RRP15: variants seen among roughly 807,000 people sequenced by gnomAD.
RRP15 encodes the protein ribosomal RNA processing 15 homolog.
Under a neutral mutation model 27.1 loss-of-function variants are expected in RRP15, and 18 were observed. The observed-to-expected ratio is 0.66, with a 90% confidence interval of 0.46 to 0.98. The LOEUF (loss-of-function observed/expected upper bound fraction) is 0.98, where lower values mean the gene tolerates loss of function less well. Among genes scored for constraint, RRP15 ranks in the 50% least tolerant of loss-of-function variants. The pLI, the probability that RRP15 is intolerant of heterozygous loss-of-function variation, is 0.00. For missense variants in RRP15, 359 were observed against 337.8 expected, an observed-to-expected ratio of 1.06 and a Z score of -0.49; for synonymous variants, 107 against 109.4, an observed-to-expected ratio of 0.98 and a Z score of 0.14.
At chr1:218,307,098 G>A (rs1655911726) in intron 3 of RRP15, among the ~76,000 whole-genome samples, 1 of 152,208 alleles carries the variant, frequency 6.6e-6, no homozygotes, top group African/African-American at 2.4e-5. Context: ...AGATAACGTA[G>A]CTAAATACTT....
intron 4 of RRP15, among the ~76,000 whole-genome samples, chr1:218,320,952 A>G (rs1412652105): frequency 6.6e-6 from 1 of 152,156 alleles, no homozygotes; most frequent in Non-Finnish European, 1.5e-5. Flanking sequence ...AATGAAATCA[A>G]CTATTGTTGA....
chr1:218,327,707 C>CT (rs987562679), intron 4 of RRP15, among the ~76,000 whole-genome samples: 2 of 151,958 alleles, frequency 1.3e-5, no homozygotes, highest in African/African-American at 2.4e-5. Context: ...TCTATTGTGT[C>CT]TTTTTTTTCC....
Position 218,307,484 on chromosome 1 carries a change from A to T in RRP15, c.557A>T (p.Glu186Val), listed in dbSNP as rs767191713. ...CAGAAACATCAAAAGAATGTTGATG[A>T]AAAGGTTAAGGAAGCTGGAAGTTCT... is the stretch of plus-strand genomic sequence containing the variant. ...AVQKHQKNVD[E>V]KVKEAGSSMR... The change falls in exon 4 of 5, where the codon GAA becomes GTA. Residue 186 changes from glutamate to valine, a missense_variant. Physicochemically the swap from Glu to Val is moderately radical, Grantham distance 121. Coordinates refer to ENST00000366932, the MANE Select transcript of RRP15 (RefSeq NM_016052.4). 5.0e-6 allele frequency: 8 copies of T among 1,613,974 alleles called. No individual in the cohort carries two copies. The highest frequency in any genetic ancestry group is 6.8e-6 in the Non-Finnish European group (8 of 1,179,914).
chr1:218,311,209 T>C (rs1017069995), intron 4 of RRP15, among the ~76,000 whole-genome samples: 18 of 152,322 alleles, frequency 1.2e-4, no homozygotes, highest in South Asian at 2.1e-4. Context: ...CTTCTGGTAT[T>C]TACCTCCATA....
In RRP15 at chr1:218,289,742, G is replaced by T. The variant is rs571678097; in HGVS notation, c.139+4287G>T. ...TTGTTGCCCAGGCTGGAGTGCAATG[G>T]TATGATCTCAGGTCACCCCAACCTC... On this transcript the variant is annotated intron_variant, in intron 1 of 4. Coordinates refer to ENST00000366932, the MANE Select transcript of RRP15 (RefSeq NM_016052.4). 2.6e-5 allele frequency among the ~76,000 whole-genome samples: 4 copies of T among 152,238 alleles called. No homozygotes were observed. The South Asian group carries it at 8.3e-4, about 32-fold the overall frequency.
In RRP15 at chr1:218,334,653, A is replaced by G. The variant is rs1208164023; in HGVS notation, c.*3562A>G. The G allele has an allele frequency of 2.6e-5, 4 of 152,226 alleles. No individual in the cohort carries two copies. The highest frequency in any genetic ancestry group is 4.8e-5 in the African/African-American group (2 of 41,450). The allele number at this position is 152,226 out of a possible 1,614,324, so 9.4% of individuals were successfully genotyped here. On this transcript the variant is annotated 3_prime_UTR_variant, in exon 5 of 5. Transcript: ENST00000366932. ...GCAGAATTCATTCTGTTCTTCCCTCAAATTCATCTATTAGGATCAATGTGA... is the reference window on the plus strand; with the variant it reads ...GCAGAATTCATTCTGTTCTTCCCTCGAATTCATCTATTAGGATCAATGTGA...
rs760025758 is a variant in RRP15, at chr1:218,302,393, A to G, written c.239A>G (p.Asn80Ser). ...GAGCCCTGTGACAAAGAAAATGAAA[A>G]TGATGGAGAATCAAGTGTTGGGACT... is the stretch of plus-strand genomic sequence containing the variant. ...DAEPCDKENE[N>S]DGESSVGTNM... Residue 80 changes from asparagine to serine, a missense_variant, in exon 2 of 5, where the codon AAT (asparagine) becomes AGT (serine). Coordinates refer to ENST00000366932, the MANE Select transcript of RRP15 (RefSeq NM_016052.4). 1 of 1,614,128 alleles carries G rather than the reference A, an allele frequency of 6.2e-7. No homozygotes were observed. Among genetic ancestry groups the G allele is most frequent in the South Asian group, 1.1e-5 (1 of 91,080 alleles).
chr1:218,297,461 A>C (rs560367994), intron 1 of RRP15, among the ~76,000 whole-genome samples: 1 of 152,198 alleles, frequency 6.6e-6, no homozygotes, highest in African/African-American at 2.4e-5. Flanking sequence ...AGAACTTTAC[A>C]TATTTTAATT....
At chr1:218,329,318 G>T (rs1656329027) in intron 4 of RRP15, among the ~76,000 whole-genome samples, 1 of 151,546 alleles carries the variant, frequency 6.6e-6, no homozygotes, top group Non-Finnish European at 1.5e-5. Context: ...TACTCTGGAG[G>T]CTGAGGTGGG....
chr1:218,325,997 A>C (rs2102515504), intron 4 of RRP15, among the ~76,000 whole-genome samples: 1 of 151,936 alleles, frequency 6.6e-6, no homozygotes, highest in Admixed American at 6.5e-5. Context: ...TATTCTCCTA[A>C]TGTTTCTTTT....
intron 4 of RRP15, among the ~76,000 whole-genome samples, chr1:218,329,918 C>T (rs1412258381): frequency 6.6e-6 from 1 of 151,674 alleles, no homozygotes; most frequent in East Asian, 1.9e-4. Context: ...TCTTGTAACC[C>T]AGCAAATATC....
chr1:218,307,505 G>T lies in RRP15; in HGVS notation c.578G>T (p.Ser193Ile), dbSNP rs964792302. 17 of 1,613,912 alleles carry T rather than the reference G, an allele frequency of 1.1e-5. No homozygotes were observed. In the East Asian group the frequency reaches 1.1e-4, roughly 11 times the overall value. Residue 193 changes from serine to isoleucine, a missense_variant, in exon 4 of 5, where the codon AGT becomes ATT. By Grantham distance (142) the Ser-to-Ile change is moderately radical. Transcript: ENST00000366932. ...NVDEKVKEAG[S>I]SMRKRAKLIS... ...GATGAAAAGGTTAAGGAAGCTGGAA[G>T]TTCTATGAGAAAGCGTGCTAAGTTG...
Position 218,320,281 on chromosome 1 carries a change from A to G in RRP15, c.706-10667A>G, listed in dbSNP as rs181077084. Among the ~76,000 whole-genome samples the G allele has an allele frequency of 3.8e-3, 566 of 150,524 alleles. 1 individual carries two copies. Among genetic ancestry groups the G allele is most frequent in the Middle Eastern group, 0.01 (3 of 294 alleles). On this transcript the variant is annotated intron_variant, in intron 4 of 4. Transcript: ENST00000366932. ...TGTGTCCATGCGTTCTCACTGTTCA[A>G]TTCCCACCTATGAGTGAGAACATGC...
chr1:218,301,289 T>C (rs930701895), intron 1 of RRP15: 2 of 152,218 alleles, frequency 1.3e-5, no homozygotes, highest in African/African-American at 2.4e-5. Context: ...TACTAAGCTA[T>C]TGGATGATTG....
In RRP15 at chr1:218,325,702, A is replaced by T. The variant is rs148941797; in HGVS notation, c.706-5246A>T. On this transcript the variant is annotated intron_variant, in intron 4 of 4. Transcript: ENST00000366932. The stretch of plus-strand genomic sequence containing the variant: ...ATAATATTCTCATTGTGTCCTGGAC[A>T]CTCGAGGGCTGGTTTTAATCTGGAA... 2.9e-3 allele frequency among the ~76,000 whole-genome samples: 436 copies of T among 152,072 alleles called. 5 individuals are homozygous for T. Among genetic ancestry groups the T allele is most frequent in the African/African-American group, 1.0e-2 (414 of 41,484 alleles).
At chr1:218,317,726 CTTT>C (rs34893347) in intron 4 of RRP15, among the ~76,000 whole-genome samples, 27 of 119,762 alleles carry the variant, frequency 2.3e-4, no homozygotes, top group Admixed American at 2.6e-4. Context: ...GCCCCACACC[CTTT>C]TTTTTTTTTT....
At chr1:218,305,156 A>G in intron 3 of RRP15, 31 bp downstream of exon 3, 1 of 1,497,518 alleles carries the variant, frequency 6.7e-7, no homozygotes, top group Non-Finnish European at 9.3e-7. Context: ...TTTAAAAAAT[A>G]AGTATACTAA....
intron 4 of RRP15, among the ~76,000 whole-genome samples, chr1:218,309,705 AAAAC>A (rs1228146817): frequency 1.3e-5 from 2 of 151,620 alleles, no homozygotes; most frequent in African/African-American, 2.4e-5. Flanking sequence ...AAAAAAAAAA[AAAAC>A]ATATTTATTA....
intron 4 of RRP15, among the ~76,000 whole-genome samples, chr1:218,312,833 G>A (rs1292342885): frequency 6.6e-6 from 1 of 152,194 alleles, no homozygotes; most frequent in Non-Finnish European, 1.5e-5. Context: ...TGCCAGTTCT[G>A]TAATTTTTCA....
Sources: allele counts gnomAD v4.1 joint callset (sites outside exome capture counted in the v4.1 genomes callset), GRCh38; gene constraint gnomAD v4.1.1; transcripts MANE v1.5; gene names NCBI Gene and HGNC (gene_info 2026-07-23, HGNC 2026-07-21).